The following RANBP17 variants were observed in gnomAD, a reference collection of about 807,000 sequenced individuals.
RANBP17 encodes RAN binding protein 17, also known as ran-binding protein 17.
RANBP17 carries 158 observed loss-of-function variants against 141.2 expected under a neutral mutation model. The ratio of observed to expected loss-of-function variants is 1.12; its 90% confidence interval spans 0.98 to 1.28. The LOEUF is 1.28. RANBP17 is among the 50% of genes most tolerant of loss of function. The pLI, the probability that RANBP17 is intolerant of heterozygous loss-of-function variation, is 0.00. For synonymous variants in RANBP17, 430 were observed against 450.0 expected (o/e 0.96, Z 0.56); for missense variants, 1,438 against 1,290.7 (o/e 1.11, Z -1.75).
chr5:171,107,858 C>A (rs929752711), intron 14 of RANBP17, among the ~76,000 whole-genome samples: 5 of 152,276 alleles, frequency 3.3e-5, no homozygotes, highest in Middle Eastern at 3.4e-3. Flanking sequence ...TGCGTGCTTG[C>A]TGCATTGATG....
intron 25 of RANBP17, among the ~76,000 whole-genome samples, chr5:171,293,121 ACTT>A (rs1768602512): frequency 6.6e-6 from 1 of 152,068 alleles, no homozygotes; most frequent in Non-Finnish European, 1.5e-5. Context: ...GTCTTCCCTG[ACTT>A]CTCCTCAAGG....
intron 14 of RANBP17, among the ~76,000 whole-genome samples, chr5:171,060,536 T>G (rs1435421524): frequency 4.6e-5 from 7 of 152,164 alleles, no homozygotes; most frequent in East Asian, 1.9e-4. Context: ...GTGGATAAGC[T>G]TTTTGATGTG....
chr5:171,049,896 G>A (rs1026344591), intron 14 of RANBP17, among the ~76,000 whole-genome samples: 32 of 152,180 alleles, frequency 2.1e-4, no homozygotes, highest in African/African-American at 7.7e-4. Context: ...TTGAAGTCTG[G>A]TAATGTGATG....
chr5:171,257,532 T>G (rs1765979334), intron 24 of RANBP17, among the ~76,000 whole-genome samples: 1 of 152,158 alleles, frequency 6.6e-6, no homozygotes, highest in African/African-American at 2.4e-5. Flanking sequence ...CCACTCTTAT[T>G]CTACACAGTA....
At position 170,916,520 on chromosome 5, in the gene RANBP17, C is replaced by G; in HGVS notation, c.890C>G (p.Pro297Arg). Residue 297 changes from proline to arginine, a missense_variant, in exon 9 of 28, where the codon CCT becomes CGT. Physicochemically the swap from Pro to Arg is moderately radical, Grantham distance 103. Coordinates refer to ENST00000523189, the MANE Select transcript of RANBP17 (RefSeq NM_022897.5). Reference sequence around the variant, plus strand: ...ACAAGAAGGTCCTTATTTAACAGTCCTGAACGTGCCAAGTACCTTGGTAAT... The same window carrying G: ...ACAAGAAGGTCCTTATTTAACAGTCGTGAACGTGCCAAGTACCTTGGTAAT... ...ASTRRSLFNS[P>R]ERAKYLGNLI... is the part of the protein sequence containing the mutation. 6.3e-7 allele frequency: 1 copy of G among 1,589,892 alleles called. No individual in the cohort carries two copies. Among genetic ancestry groups the G allele is most frequent in the Non-Finnish European group, 8.6e-7 (1 of 1,165,688 alleles).
intron 14 of RANBP17, among the ~76,000 whole-genome samples, chr5:170,972,041 C>T (rs1777023957): frequency 6.6e-6 from 1 of 152,102 alleles, no homozygotes; most frequent in Non-Finnish European, 1.5e-5. Flanking sequence ...TCTCTAGCTT[C>T]TTGCCCCACT....
chr5:171,063,121 C>T (rs1436148708), intron 14 of RANBP17, among the ~76,000 whole-genome samples: 1 of 152,144 alleles, frequency 6.6e-6, no homozygotes, highest in South Asian at 2.1e-4. Context: ...TCTTATAGCT[C>T]GGAGTAGTTT....
At chr5:171,173,363 T>C (rs116587095) in intron 16 of RANBP17, among the ~76,000 whole-genome samples, 1,585 of 152,176 alleles carry the variant, frequency 0.01, 24 homozygotes, top group African/African-American at 0.037. Context: ...CCATCACCTA[T>C]AGGCCCTTGT....
intron 12 of RANBP17, among the ~76,000 whole-genome samples, chr5:170,951,498 C>T (rs1294923042): frequency 6.6e-6 from 1 of 152,110 alleles, no homozygotes; most frequent in African/African-American, 2.4e-5. Flanking sequence ...TCACAACACT[C>T]ACTTATTGTA....
At chr5:170,987,903 T>G (rs1049495781) in intron 14 of RANBP17, among the ~76,000 whole-genome samples, 25 of 151,276 alleles carry the variant, frequency 1.7e-4, no homozygotes, top group Non-Finnish European at 2.7e-4. Flanking sequence ...TGGGCTTAGT[T>G]TTTTTTTAAT....
intron 14 of RANBP17, chr5:170,968,720 C>CT (rs1203339586): frequency 2.8e-5 from 13 of 458,888 alleles, no homozygotes; most frequent in Admixed American, 1.9e-4. Context: ...TTTTTGGACA[C>CT]TTATTTATTT....
At chr5:171,045,648 C>T (rs199641685) in intron 14 of RANBP17, among the ~76,000 whole-genome samples, 3 of 150,288 alleles carry the variant, frequency 2.0e-5, no homozygotes, top group African/African-American at 7.5e-5. Flanking sequence ...AGGGGAAAAG[C>T]AAAATAGCCT....
At chr5:171,211,871 C>T (rs944394227) in intron 20 of RANBP17, among the ~76,000 whole-genome samples, 2 of 152,138 alleles carry the variant, frequency 1.3e-5, no homozygotes, top group African/African-American at 4.8e-5. Context: ...TTTTCTAAAG[C>T]TCCCAAGTGA....
chr5:171,064,977 T>G (rs1784212249), intron 14 of RANBP17, among the ~76,000 whole-genome samples: 1 of 152,204 alleles, frequency 6.6e-6, no homozygotes, highest in Non-Finnish European at 1.5e-5. Context: ...TGTTAATGAG[T>G]TTTCTTTGGC....
At chr5:170,954,902 T>C (rs1447730190) in intron 13 of RANBP17, among the ~76,000 whole-genome samples, 1 of 152,170 alleles carries the variant, frequency 6.6e-6, no homozygotes, top group Non-Finnish European at 1.5e-5. Context: ...CACAGCCTGT[T>C]AGGAACTGGG....
chr5:171,024,594 C>T lies in RANBP17; in HGVS notation c.1710+56217C>T, dbSNP rs191135490. ...TATAAACCTGGTATATACTTTCTAT[C>T]CTTATTCAACATAATCAACCACTTA... On this transcript the variant is annotated intron_variant, in intron 14 of 27. Coordinates refer to ENST00000523189, the MANE Select transcript of RANBP17 (RefSeq NM_022897.5). Among the ~76,000 whole-genome samples, 739 of 152,264 alleles carry T rather than the reference C, an allele frequency of 4.9e-3. 7 individuals are homozygous for T. Among genetic ancestry groups the T allele is most frequent in the Non-Finnish European group, 4.2e-3 (287 of 67,998 alleles).
chr5:171,253,018 C>T lies in RANBP17; in HGVS notation c.2776+10198C>T, dbSNP rs889449283. On this transcript the variant is annotated intron_variant, in intron 24 of 27. Transcript: ENST00000523189. ...AACCGTGATGAAGAGATACTTTCTG[C>T]CGCATTTCTTCTCTGGTTATTTTGG... 7 of 1,107,176 alleles carry T rather than the reference C, an allele frequency of 6.3e-6. No homozygotes were observed. In the African/African-American group the frequency reaches 1.1e-4, roughly 17 times the overall value. 68.6% of individuals were successfully genotyped at this position (1,107,176 alleles called of 1,614,324 possible).
chr5:171,152,256 A>G (rs1471824150), intron 14 of RANBP17, among the ~76,000 whole-genome samples: 1 of 151,624 alleles, frequency 6.6e-6, no homozygotes, highest in East Asian at 1.9e-4. Flanking sequence ...CTACTAAAAA[A>G]AAAAAAGTAA....
chr5:171,035,203 T>C (rs923916711), intron 14 of RANBP17, among the ~76,000 whole-genome samples: 11 of 152,122 alleles, frequency 7.2e-5, no homozygotes, highest in African/African-American at 2.7e-4. Flanking sequence ...GATATTTATC[T>C]ATGGTAAAAA....
Sources: allele counts gnomAD v4.1 joint callset (sites outside exome capture counted in the v4.1 genomes callset), GRCh38; gene constraint gnomAD v4.1.1; transcripts MANE v1.5; gene names NCBI Gene and HGNC (gene_info 2026-07-23, HGNC 2026-07-21).